STK3: variants seen among roughly 807,000 people sequenced by gnomAD.
STK3 encodes the protein serine/threonine-protein kinase 3.
A neutral mutation model predicts 58.0 loss-of-function variants in STK3; 41 were observed. The observed-to-expected ratio is 0.71, with a 90% CI of 0.55 to 0.92. The LOEUF (loss-of-function observed/expected upper bound fraction) is 0.92, where lower values mean the gene tolerates loss of function less well. STK3 is among the 40% of genes least tolerant of loss of function. The pLI, the probability that STK3 is intolerant of heterozygous loss-of-function variation, is 0.00. For missense variants in STK3, 479 were observed against 602.7 expected, an observed-to-expected ratio of 0.79 and a Z score of 2.15; for synonymous variants, 170 against 191.0, an observed-to-expected ratio of 0.89 and a Z score of 0.91.
intron 10 of STK3, among the ~76,000 whole-genome samples, chr8:98,494,749 T>TA (rs1363517338): frequency 6.6e-5 from 10 of 150,876 alleles, no homozygotes; most frequent in African/African-American, 2.4e-4. Context: ...AAACCAATCT[T>TA]AAACAGTGCC....
At chr8:98,609,875 G>C (rs1817056034) in intron 6 of STK3, among the ~76,000 whole-genome samples, 1 of 151,718 alleles carries the variant, frequency 6.6e-6, no homozygotes. Flanking sequence ...CAGGAGAATG[G>C]CATGAATCTG....
At chr8:98,752,268 G>T (rs1830033965) in intron 3 of STK3, among the ~76,000 whole-genome samples, 1 of 152,002 alleles carries the variant, frequency 6.6e-6, no homozygotes, top group Admixed American at 6.6e-5. Flanking sequence ...AAATGAAACA[G>T]AATAAAGAAC....
chr8:98,898,800 CGAAAG>C (rs1838551412), intron 1 of STK3, among the ~76,000 whole-genome samples: 1 of 152,114 alleles, frequency 6.6e-6, no homozygotes, highest in Non-Finnish European at 1.5e-5. Flanking sequence ...GTATTTAAAA[CGAAAG>C]AAATATTTTT....
At chr8:98,711,436 T>C (rs1019667303) in intron 4 of STK3, among the ~76,000 whole-genome samples, 1 of 152,036 alleles carries the variant, frequency 6.6e-6, no homozygotes, top group Middle Eastern at 3.4e-3. Context: ...GAGAAGTCCT[T>C]AAAGGACCTG....
intron 10 of STK3, among the ~76,000 whole-genome samples, chr8:98,500,583 A>G (rs1047664552): frequency 6.6e-6 from 1 of 152,022 alleles, no homozygotes. Flanking sequence ...TCACTGTTCA[A>G]TTCCAACCTA....
intron 6 of STK3, among the ~76,000 whole-genome samples, chr8:98,640,530 T>C (rs1819946169): frequency 6.6e-6 from 1 of 152,214 alleles, no homozygotes; most frequent in Admixed American, 6.5e-5. Flanking sequence ...TTATTCTCAA[T>C]CTATTTTATA....
At chr8:98,743,570 A>T (rs1221177104) in intron 4 of STK3, among the ~76,000 whole-genome samples, 1 of 152,228 alleles carries the variant, frequency 6.6e-6, no homozygotes, top group Admixed American at 6.5e-5. Flanking sequence ...CTTACACTTT[A>T]TACAAAAATT....
At chr8:98,596,010 C>T (rs373705485) in intron 7 of STK3, 22 bp downstream of exon 7, 22 of 1,600,872 alleles carry the variant, frequency 1.4e-5, no homozygotes, top group Non-Finnish European at 1.7e-5. Context: ...AATATCCTTC[C>T]CTTCGAGGCA....
At chr8:98,379,935 G>GTAAT (rs1817715637) in intron 1 of STK3, among the ~76,000 whole-genome samples, 1 of 152,166 alleles carries the variant, frequency 6.6e-6, no homozygotes, top group Admixed American at 6.5e-5. Flanking sequence ...AGAAAATGTG[G>GTAAT]TAATTACATA....
chr8:98,722,422 T>C (rs765405997), intron 4 of STK3, among the ~76,000 whole-genome samples: 2 of 152,196 alleles, frequency 1.3e-5, no homozygotes, highest in Non-Finnish European at 2.9e-5. Context: ...GTATTGTGTG[T>C]CACTAATGGA....
At chr8:98,681,446 TA>T (rs199571407) in intron 6 of STK3, among the ~76,000 whole-genome samples, 4,386 of 152,050 alleles carry the variant, frequency 0.029, 87 homozygotes, top group Non-Finnish European at 0.041. Flanking sequence ...TAAAAAAAAA[TA>T]AAAATATAAA....
intron 10 of STK3, among the ~76,000 whole-genome samples, chr8:98,499,146 AG>A (rs1320253416): frequency 6.6e-6 from 1 of 152,136 alleles, no homozygotes; most frequent in Non-Finnish European, 1.5e-5. Flanking sequence ...AATGGAGAAA[AG>A]GGCTATGAAC....
At chr8:98,650,483 T>C (rs1421249537) in intron 6 of STK3, among the ~76,000 whole-genome samples, 1 of 152,140 alleles carries the variant, frequency 6.6e-6, no homozygotes, top group Non-Finnish European at 1.5e-5. Flanking sequence ...TGCCAGACAG[T>C]GGGCGCAGGA....
At chr8:98,883,712 G>A (rs16897117), downstream of STK3, 56,278 of 702,724 alleles carry the variant, frequency 0.08, 2,663 homozygotes, top group South Asian at 0.12. Context: ...AGGCTGCTCC[G>A]TTCCTAAGGC....
At chr8:98,925,742 C>T (rs575247753) in intron 1 of STK3, among the ~76,000 whole-genome samples, 1 of 152,276 alleles carries the variant, frequency 6.6e-6, no homozygotes, top group Non-Finnish European at 1.5e-5. Flanking sequence ...TTTGAATCAG[C>T]TCAGGAAGAT....
chr8:98,727,717 A>AT (rs1407852695), intron 4 of STK3, among the ~76,000 whole-genome samples: 1 of 152,192 alleles, frequency 6.6e-6, no homozygotes, highest in African/African-American at 2.4e-5. Flanking sequence ...GAATAAACAT[A>AT]TTTTTTAAAA....
chr8:98,720,700 T>C (rs867906338), intron 4 of STK3, among the ~76,000 whole-genome samples: 2 of 130,164 alleles, frequency 1.5e-5, no homozygotes, highest in South Asian at 2.3e-4. Context: ...GTAGTGAGCA[T>C]AGATCACACC....
intron 10 of STK3, among the ~76,000 whole-genome samples, chr8:98,516,493 A>G (rs1264838877): frequency 1.3e-5 from 2 of 152,074 alleles, no homozygotes; most frequent in Non-Finnish European, 1.5e-5. Context: ...TTTTATAATA[A>G]AAGATGGAAG....
At chr8:98,512,830 A>C (rs1312300036) in intron 10 of STK3, among the ~76,000 whole-genome samples, 1 of 152,136 alleles carries the variant, frequency 6.6e-6, no homozygotes, top group Non-Finnish European at 1.5e-5. Flanking sequence ...TTTTCACTAC[A>C]ACCTGATTTT....
Sources: allele counts gnomAD v4.1 joint callset (sites outside exome capture counted in the v4.1 genomes callset), GRCh38; gene constraint gnomAD v4.1.1; transcripts MANE v1.5; gene names NCBI Gene and HGNC (gene_info 2026-07-23, HGNC 2026-07-21).